PEAK1: variants seen among roughly 807,000 people sequenced by gnomAD.
The protein encoded by PEAK1 is pseudopodium enriched atypical kinase 1, also known as inactive tyrosine-protein kinase PEAK1.
In PEAK1, 54 loss-of-function variants were observed where a neutral mutation model predicts 124.7. The ratio of observed to expected loss-of-function variants is 0.43; its 90% CI spans 0.35 to 0.54. The LOEUF is 0.54. PEAK1 is among the 20% of genes least tolerant of loss of function. The pLI is 0.01. For synonymous variants in PEAK1, 719 were observed against 760.0 expected, an observed-to-expected ratio of 0.95 and a Z score of 0.89; for missense variants, 2,046 against 2,134.5, an observed-to-expected ratio of 0.96 and a Z score of 0.82.
chr15:77,405,424 T>G (rs2071737211), intron 1 of PEAK1, among the ~76,000 whole-genome samples: 1 of 152,228 alleles, frequency 6.6e-6, no homozygotes, highest in African/African-American at 2.4e-5. Flanking sequence ...TTTTTACTTA[T>G]TCTACATTTT....
At chr15:77,378,201 TATATATAC>T (rs954807541) in intron 1 of PEAK1, among the ~76,000 whole-genome samples, 37 of 131,190 alleles carry the variant, frequency 2.8e-4, no homozygotes, top group Admixed American at 2.6e-3. Context: ...TATATATATA[TATATATAC>T]ATAATCCCAT....
chr15:77,415,543 A>T (rs938066182), intron 1 of PEAK1, among the ~76,000 whole-genome samples: 2 of 152,176 alleles, frequency 1.3e-5, no homozygotes, highest in African/African-American at 4.8e-5. Context: ...CTACAGGCAC[A>T]TGCCACAGCA....
At chr15:77,256,216 T>C (rs2061124832) in intron 5 of PEAK1, among the ~76,000 whole-genome samples, 3 of 151,978 alleles carry the variant, frequency 2.0e-5, no homozygotes, top group Non-Finnish European at 4.4e-5. Context: ...GACTGAAAAA[T>C]ATAAAATGTG....
chr15:77,336,291 C>G, intron 2 of PEAK1: 1 of 985,408 alleles, frequency 1.0e-6, no homozygotes, highest in South Asian at 4.7e-5. Context: ...AAACTGTCCA[C>G]ATGGCTGGTA....
intron 6 of PEAK1, among the ~76,000 whole-genome samples, chr15:77,216,611 T>TA (rs2059159003): frequency 6.6e-6 from 1 of 152,210 alleles, no homozygotes. Context: ...ATGCTGAAGA[T>TA]AAAGCCTGCA....
intron 6 of PEAK1, among the ~76,000 whole-genome samples, chr15:77,223,986 G>T (rs141212698): frequency 0.016 from 2,327 of 146,014 alleles, 26 homozygotes; most frequent in Middle Eastern, 0.033. Flanking sequence ...GTCAAAATCT[G>T]TCCCTTTGGT....
chr15:77,419,045 GGCC>G, intron 1 of PEAK1: 1 of 985,322 alleles, frequency 1.0e-6, no homozygotes, highest in South Asian at 4.7e-5. Context: ...TCTATAGCAA[GGCC>G]AATAAAGATG....
At chr15:77,420,774 A>C, upstream of PEAK1, 2 of 398,502 alleles carry the variant, frequency 5.0e-6, no homozygotes, top group Non-Finnish European at 4.4e-6. Flanking sequence ...TTCTCACCGG[A>C]GCAATTGTAA....
At chr15:77,339,659 A>T (rs998822531) in intron 2 of PEAK1, among the ~76,000 whole-genome samples, 23 of 152,188 alleles carry the variant, frequency 1.5e-4, no homozygotes, top group Non-Finnish European at 5.9e-5. Flanking sequence ...CAAACTGGTA[A>T]GTTGGACATC....
At chr15:77,165,884 T>C (rs1380241231) in intron 7 of PEAK1, among the ~76,000 whole-genome samples, 1 of 152,212 alleles carries the variant, frequency 6.6e-6, no homozygotes, top group African/African-American at 2.4e-5. Context: ...AAGGTGGTGG[T>C]AGAGTTGGGA....
At position 77,115,551 on chromosome 15, in the gene PEAK1, A is replaced by G. The variant is rs2051289745; in HGVS notation, c.4078-232T>C. Among the ~76,000 whole-genome samples the G allele has an allele frequency of 2.0e-5, 3 of 152,316 alleles. No homozygotes were observed. In the South Asian group the frequency reaches 6.2e-4, roughly 32 times the overall value. On this transcript the variant is annotated intron_variant, in intron 9 of 9. Coordinates refer to ENST00000682557, the MANE Select transcript of PEAK1 (RefSeq NM_001385026.1). Reference sequence around the variant, plus strand: ...TAAGTGTACCATTTTTAGTCCTCACATTAACCTTTCACAGTAGATTGAGGA... The same window carrying G: ...TAAGTGTACCATTTTTAGTCCTCACGTTAACCTTTCACAGTAGATTGAGGA...
At chr15:77,253,250 G>GC (rs1329397633) in intron 5 of PEAK1, among the ~76,000 whole-genome samples, 2 of 149,860 alleles carry the variant, frequency 1.3e-5, no homozygotes, top group Admixed American at 6.6e-5. Flanking sequence ...TGCGTTGGGG[G>GC]GGGGGTGGTC....
At chr15:77,418,682 G>A in intron 1 of PEAK1, 1 of 985,420 alleles carries the variant, frequency 1.0e-6, no homozygotes, top group Non-Finnish European at 1.2e-6. Flanking sequence ...CTGAGATTAC[G>A]AGAGAAGCCA....
At position 77,312,669 on chromosome 15, in the gene PEAK1, C is replaced by T. The variant is rs116946392; in HGVS notation, c.-602-26165G>A. On this transcript the variant is annotated intron_variant, in intron 2 of 9. Transcript: ENST00000682557. ...CCTTCTATCCATCTGCTGTGCATTC[C>T]CTCGAATTTGTTTTCATACTCATGA... 2.2e-3 allele frequency among the ~76,000 whole-genome samples: 329 copies of T among 152,348 alleles called. 1 individual carries two copies. Among genetic ancestry groups the T allele is most frequent in the Non-Finnish European group, 3.5e-3 (239 of 68,022 alleles).
intron 2 of PEAK1, among the ~76,000 whole-genome samples, chr15:77,340,157 C>G (rs953848742): frequency 6.6e-6 from 1 of 152,166 alleles, no homozygotes; most frequent in Admixed American, 6.5e-5. Flanking sequence ...AATGTCCACA[C>G]AAAAACCTGC....
chr15:77,376,000 AAAATAAATAAATAAAT>A (rs199883070), intron 1 of PEAK1, among the ~76,000 whole-genome samples: 98 of 145,386 alleles, frequency 6.7e-4, no homozygotes, highest in East Asian at 3.7e-3. Flanking sequence ...CTCCGTCTCA[AAAATAAATAAATAAAT>A]AAATAAATAA....
rs1435579849 is a variant in PEAK1, at chr15:77,332,143, T to A, written c.-603+33020A>T. ...CATCTCAAAAAAATATAAAAATAAA[T>A]TTAAAAATAAGTTGCTTTAGAGAAT... On this transcript the variant is annotated intron_variant, in intron 2 of 9. Transcript: ENST00000682557. 3.3e-6 allele frequency: 3 copies of A among 916,492 alleles called. No individual in the cohort carries two copies. The African/African-American group carries it at 5.7e-5, about 17-fold the overall frequency. The allele number at this position is 916,492 out of a possible 1,614,324, so 56.8% of individuals were successfully genotyped here. A position where few individuals can be genotyped will look rare whatever the true frequency, so the allele number is the denominator to read the frequency against.
chr15:77,205,130 C>G (rs767135938), intron 6 of PEAK1: 1 of 275,004 alleles, frequency 3.6e-6, no homozygotes, highest in African/African-American at 2.3e-5. Context: ...TCAGTGGTCA[C>G]TATTTCTCTT....
At chr15:77,342,168 A>AC (rs1211837564) in intron 2 of PEAK1, among the ~76,000 whole-genome samples, 3 of 151,296 alleles carry the variant, frequency 2.0e-5, no homozygotes, top group Non-Finnish European at 2.9e-5. Context: ...AAAAAAAAAA[A>AC]AAAAACACAC....
Sources: allele counts gnomAD v4.1 joint callset (sites outside exome capture counted in the v4.1 genomes callset), GRCh38; gene constraint gnomAD v4.1.1; transcripts MANE v1.5; gene names NCBI Gene and HGNC (gene_info 2026-07-23, HGNC 2026-07-21).